Variants in FIRRM observed in about 807,000 individuals in gnomAD.
The protein encoded by FIRRM is FIGNL1 interacting regulator of recombination and mitosis.
chr1:169,843,577 A>G, the FIRRM span: 2 of 715,668 alleles, frequency 2.8e-6, no homozygotes, highest in Non-Finnish European at 4.9e-6. Context: ...AATACTTAAC[A>G]TATTACCTGA....
chr1:169,789,988 A>G, the FIRRM span, among the ~76,000 whole-genome samples: 1 of 152,210 alleles, frequency 6.6e-6, no homozygotes, highest in African/African-American at 2.4e-5. Flanking sequence ...TGTTTTGCAG[A>G]TGGAGAAATT....
chr1:169,832,536 C>CT, the FIRRM span: 1 of 1,509,288 alleles, frequency 6.6e-7, no homozygotes, highest in African/African-American at 1.4e-5. Context: ...TTGTCACTGT[C>CT]TGTGAAGCTG....
At chr1:169,851,179 G>T in the FIRRM span, 2 of 151,366 alleles carry the variant, frequency 1.3e-5, no homozygotes, top group African/African-American at 4.9e-5. Context: ...GGAACTTAGT[G>T]TGAGGAAATA....
At chr1:169,839,924 G>T in the FIRRM span, among the ~76,000 whole-genome samples, 1 of 152,144 alleles carries the variant, frequency 6.6e-6, no homozygotes, top group South Asian at 2.1e-4. Context: ...TGGCTATCCA[G>T]TTTCATTCTT....
the FIRRM span, chr1:169,853,338 C>CTCTT: frequency 6.2e-6 from 2 of 322,824 alleles, no homozygotes; most frequent in African/African-American, 2.2e-5. Flanking sequence ...ATAGAGCTTA[C>CTCTT]TCTTATGTTA....
the FIRRM span, chr1:169,853,115 AT>A: frequency 3.5e-6 from 3 of 869,150 alleles, no homozygotes; most frequent in South Asian, 3.5e-5. Flanking sequence ...TTTATTTGAC[AT>A]TTAGAGAACA....
At chr1:169,850,777 C>CA in the FIRRM span, 2 of 158,108 alleles carry the variant, frequency 1.3e-5, no homozygotes, top group Middle Eastern at 6.7e-3. Context: ...GCCTGAGCGA[C>CA]AGAGTGAGAC....
At chr1:169,829,119 T>G in the FIRRM span, 1 of 633,430 alleles carries the variant, frequency 1.6e-6, no homozygotes, top group Non-Finnish European at 2.5e-6. Context: ...TGTGTACATA[T>G]TCACACGTGT....
chr1:169,843,783 C>T, the FIRRM span: 1 of 1,488,184 alleles, frequency 6.7e-7, no homozygotes, highest in Admixed American at 1.7e-5. Flanking sequence ...AGAATAATGA[C>T]CAGATTGATA....
chr1:169,796,301 G>A, the FIRRM span, among the ~76,000 whole-genome samples: 1 of 152,222 alleles, frequency 6.6e-6, no homozygotes, highest in Non-Finnish European at 1.5e-5. Flanking sequence ...TGTGAGACAT[G>A]GTGTTAGGCT....
At chr1:169,792,650 G>C in the FIRRM span, 1 of 1,610,222 alleles carries the variant, frequency 6.2e-7, no homozygotes, top group Non-Finnish European at 8.5e-7. Context: ...GAGTATTCTG[G>C]TCTTAAAAAC....
chr1:169,825,762 A>G, the FIRRM span, among the ~76,000 whole-genome samples: 1 of 152,196 alleles, frequency 6.6e-6, no homozygotes, highest in Non-Finnish European at 1.5e-5. Flanking sequence ...TGCTTTTTCC[A>G]TCACTCTACA....
At chr1:169,794,723 G>T in the FIRRM span, 1 of 166,720 alleles carries the variant, frequency 6.0e-6, no homozygotes. Context: ...AGTCACTTCC[G>T]GCTGCAGGTC....
At chr1:169,824,631 CAT>C in the FIRRM span, among the ~76,000 whole-genome samples, 17 of 152,360 alleles carry the variant, frequency 1.1e-4, no homozygotes, top group East Asian at 2.7e-3. Flanking sequence ...GTGACCACCA[CAT>C]TGCTGCATCC....
the FIRRM span, chr1:169,832,546 G>T: frequency 7.0e-7 from 1 of 1,434,494 alleles, no homozygotes; most frequent in African/African-American, 1.4e-5. Context: ...CTGTGAAGCT[G>T]CTCAGAGTTG....
the FIRRM span, among the ~76,000 whole-genome samples, chr1:169,848,941 G>A: frequency 1.3e-5 from 2 of 152,198 alleles, no homozygotes; most frequent in African/African-American, 4.8e-5. Flanking sequence ...GAAAGATTAC[G>A]TTTTTGCTGT....
the FIRRM span, chr1:169,850,220 T>G: frequency 7.7e-7 from 1 of 1,296,226 alleles, no homozygotes; most frequent in Non-Finnish European, 1.1e-6. Flanking sequence ...TCTTTGCAAG[T>G]TGTTGAAATG....
At chr1:169,807,941 G>T in the FIRRM span, 1 of 1,596,596 alleles carries the variant, frequency 6.3e-7, no homozygotes, top group Admixed American at 1.8e-5. Context: ...TAAAATTTGG[G>T]CTAATAGCAT....
At chr1:169,827,577 G>A in the FIRRM span, 1 of 914,624 alleles carries the variant, frequency 1.1e-6, no homozygotes, top group South Asian at 1.5e-5. Context: ...GGTGGAGGTT[G>A]CAGTGAGCTG....
Sources: gnomAD v4.1 joint callset for allele counts (sites outside exome capture counted in the v4.1 genomes callset) on GRCh38, gnomAD v4.1.1 for gene constraint, MANE v1.5 for transcripts, NCBI Gene and HGNC (gene_info 2026-07-23, HGNC 2026-07-21) for gene names.